Variants in WHAMM observed in about 807,000 individuals in gnomAD.
WHAMM encodes WASP homolog-associated protein with actin, membranes and microtubules.
A neutral mutation model predicts 76.5 loss-of-function variants in WHAMM; 67 were observed. That is an observed-to-expected ratio of 0.88 (90% CI 0.72 to 1.07). The LOEUF (loss-of-function observed/expected upper bound fraction) is 1.07. Among genes scored for constraint, WHAMM ranks in the 50% least tolerant of loss-of-function variants. WHAMM has a pLI of 0.00. For missense variants in WHAMM, 1,021 were observed against 1,051.1 expected, an observed-to-expected ratio of 0.97 and a Z score of 0.40; for synonymous variants, 419 against 422.1, an observed-to-expected ratio of 0.99 and a Z score of 0.09.
intron 4 of WHAMM, among the ~76,000 whole-genome samples, chr15:82,818,829 G>A (rs1302903732): frequency 1.3e-5 from 2 of 152,162 alleles, no homozygotes; most frequent in Non-Finnish European, 2.9e-5. Flanking sequence ...TTCACTGTCC[G>A]GTGAGGATCC....
At chr15:82,815,155 A>AAATAAT (rs55807384) in intron 2 of WHAMM, among the ~76,000 whole-genome samples, 3 of 46,146 alleles carry the variant, frequency 6.5e-5, no homozygotes, top group African/African-American at 2.7e-4. Context: ...ATATATATAT[A>AAATAAT]GTACAATTCA....
Position 82,823,231 on chromosome 15 carries a change from C to G in WHAMM, c.1402C>G (p.Leu468Val). The G allele has an allele frequency of 6.3e-7, 1 of 1,585,616 alleles. No homozygotes were observed. The highest frequency in any genetic ancestry group is 8.6e-7 in the Non-Finnish European group (1 of 1,163,142). ...VKELRRQCQQLESKRGRICAK... is the reference protein window; with the variant it reads ...VKELRRQCQQVESKRGRICAK... ...AGAACTCAGAAGGCAGTGCCAGCAG[C>G]TGGAGTCTAAACGGGGCAGGATCTG... Residue 468 changes from leucine to valine, a missense_variant, in exon 6 of 10, where the codon CTG (leucine) becomes GTG (valine). This residue lies in a region of WHAMM where 509 missense variants were observed against 492.3 expected (regional missense o/e 1.03). Coordinates refer to ENST00000286760, the MANE Select transcript of WHAMM (RefSeq NM_001080435.3).
chr15:82,824,199 C>T (rs2050890937), intron 6 of WHAMM, among the ~76,000 whole-genome samples: 1 of 125,414 alleles, frequency 8.0e-6, no homozygotes, highest in African/African-American at 2.9e-5. Context: ...GCTCTGTCTC[C>T]TAGTCTGGAG....
chr15:82,816,228 T>C (rs2050723601), intron 2 of WHAMM, among the ~76,000 whole-genome samples: 2 of 152,280 alleles, frequency 1.3e-5, no homozygotes, highest in South Asian at 4.1e-4. Context: ...GGGAGTCCAA[T>C]ACCAGTACAT....
At chr15:82,831,588 A>T (rs2051033038) in intron 9 of WHAMM, among the ~76,000 whole-genome samples, 1 of 152,214 alleles carries the variant, frequency 6.6e-6, no homozygotes, top group Non-Finnish European at 1.5e-5. Context: ...GACCCTTACT[A>T]TTGGAAATCT....
intron 5 of WHAMM, among the ~76,000 whole-genome samples, chr15:82,820,911 A>AG (rs2151564657): frequency 6.6e-6 from 1 of 150,398 alleles, no homozygotes; most frequent in East Asian, 1.9e-4. Context: ...AAAAAAAAAA[A>AG]AAAAAAAAAG....
chr15:82,815,116 T>TATAC (rs2050700286), intron 2 of WHAMM, among the ~76,000 whole-genome samples: 2 of 11,578 alleles, frequency 1.7e-4, no homozygotes, highest in South Asian at 2.8e-3. Context: ...AGATTTTATA[T>TATAC]ATATATATAT....
intron 5 of WHAMM, among the ~76,000 whole-genome samples, chr15:82,822,571 C>T (rs1282593042): frequency 1.3e-5 from 2 of 152,100 alleles, no homozygotes; most frequent in South Asian, 2.1e-4. Context: ...CCAGGTAGCT[C>T]GGATTATAGG....
chr15:82,809,941 C>G lies in WHAMM; in HGVS notation c.215C>G (p.Ala72Gly). ...GAGCCCGAGCCCAAGCCTGAGGCCG[C>G]CGTCTCCCCGTCCAGCTGGGCCGGC... ...GPEPEPKPEA[A>G]VSPSSWAGLL... Residue 72 changes from alanine (A) to glycine (G), a missense_variant, in exon 1 of 10, where the codon GCC (alanine) becomes GGC (glycine). Ala to Gly is a moderately conservative substitution (Grantham distance 60). Around this residue, in one of 3 missense-constraint regions of WHAMM, gnomAD observed 501 missense variants for 524.9 expected, o/e 0.95. Transcript: ENST00000286760. 7.0e-7 allele frequency: 1 copy of G among 1,420,036 alleles called. No homozygotes were observed. The highest frequency in any genetic ancestry group is 1.5e-5 in the South Asian group (1 of 65,474). 88.0% of individuals were successfully genotyped at this position (1,420,036 alleles called of 1,614,324 possible). A position where few individuals can be genotyped will look rare whatever the true frequency, so the allele number is the denominator to read the frequency against.
rs769031924 is a variant in WHAMM at position 82,823,170 on chromosome 15, G to C, written c.1341G>C (p.Val447=). 1.7e-5 allele frequency: 26 copies of C among 1,569,394 alleles called. No individual in the cohort carries two copies. In the Middle Eastern group the frequency reaches 5.1e-4, roughly 31 times the overall value. The change falls in exon 6 of 10, where the codon GTG becomes GTC. Residue 447 remains valine, a synonymous_variant. Coordinates refer to ENST00000286760, the MANE Select transcript of WHAMM (RefSeq NM_001080435.3). ...AGGAACTTAAAGTCATTGACTGTGT[G>C]GTGGGGCTGCAGGATGATAAGAATT... ...NPEELKVIDC[V]VGLQDDKNLE...
intron 4 of WHAMM, among the ~76,000 whole-genome samples, chr15:82,819,028 C>T (rs1053743301): frequency 2.0e-5 from 3 of 152,230 alleles, no homozygotes; most frequent in African/African-American, 7.2e-5. Context: ...CTCCAAATAA[C>T]ATCACACTGG....
Position 82,835,876 on chromosome 15 carries a change from A to G in WHAMM, c.*2340A>G, listed in dbSNP as rs1418238143. The G allele has an allele frequency of 6.6e-6, 1 of 152,244 alleles. No homozygotes were observed. The highest frequency in any genetic ancestry group is 6.5e-5 in the Admixed American group (1 of 15,294). The allele number at this position is 152,244 out of a possible 1,614,324, so 9.4% of individuals were successfully genotyped here. ...AAACTTCCTAGGGAAAGAATTTGGA[A>G]TTGAAAAAGTAGCAAAATCACAACT... On this transcript the variant is annotated 3_prime_UTR_variant, in exon 10 of 10. Coordinates refer to ENST00000286760, the MANE Select transcript of WHAMM (RefSeq NM_001080435.3).
Position 82,810,018 on chromosome 15 carries a change from TG to T in WHAMM, c.294del (p.Trp98CysfsTer118). On this transcript the variant is annotated frameshift_variant, in exon 1 of 10. Coordinates refer to ENST00000286760, the MANE Select transcript of WHAMM (RefSeq NM_001080435.3). LOFTEE classifies it high-confidence loss of function. ...RGAHRQLAAL[W>X]PPLERCFPRL... ...CGCGCACCGGCAGTTGGCGGCGCTG[TG>T]GCCGCCTCTGGAGCGCTGCTTCCCG... is the stretch of plus-strand genomic sequence containing the variant. The T allele has an allele frequency of 8.0e-7, 1 of 1,245,430 alleles. No homozygotes were observed. The highest frequency in any genetic ancestry group is 2.9e-5 in the South Asian group (1 of 35,076). The allele number at this position is 1,245,430 out of a possible 1,614,324, so 77.1% of individuals were successfully genotyped here.
rs1387671439 is a variant in WHAMM, at chr15:82,833,317, CTCAA to C, written c.2217_2220del (p.Ile739MetfsTer8). 1.2e-6 allele frequency: 2 copies of C among 1,614,012 alleles called. No homozygotes were observed. Among genetic ancestry groups the C allele is most frequent in the Admixed American group, 1.7e-5 (1 of 60,022 alleles). On this transcript the variant is annotated frameshift_variant, in exon 10 of 10. Coordinates refer to ENST00000286760, the MANE Select transcript of WHAMM (RefSeq NM_001080435.3). LOFTEE classifies it low-confidence loss of function (END_TRUNC). ...TGCCGGCGGTGCGCCCTCCCCACGC[CTCAA>C]TCAATGAGCACATTCTGGCTGCCAT... is the stretch of plus-strand genomic sequence containing the variant.
At chr15:82,825,439 T>A (rs923032979) in intron 6 of WHAMM, among the ~76,000 whole-genome samples, 1 of 151,916 alleles carries the variant, frequency 6.6e-6, no homozygotes, top group Non-Finnish European at 1.5e-5. Context: ...ATATAATCAC[T>A]CCCCCTACCC....
intron 3 of WHAMM, 54 bp from the exon 4 acceptor site, chr15:82,817,866 A>C: frequency 7.2e-7 from 1 of 1,384,156 alleles, no homozygotes; most frequent in Non-Finnish European, 9.5e-7. Context: ...GCTCATGATA[A>C]ATGTTTCCCT....
intron 4 of WHAMM, 122 bp from the exon 5 acceptor site, chr15:82,819,201 C>T: frequency 2.8e-6 from 1 of 350,964 alleles, no homozygotes; most frequent in Non-Finnish European, 5.1e-6. Context: ...GTGTTTCTTT[C>T]CTATTTGCTT....
At chr15:82,832,911 G>A (rs113597943) in intron 9 of WHAMM, among the ~76,000 whole-genome samples, 14 of 152,284 alleles carry the variant, frequency 9.2e-5, no homozygotes, top group African/African-American at 3.4e-4. Flanking sequence ...ACACTCTTCA[G>A]GATGGGAGGG....
In WHAMM at chr15:82,809,725, C is replaced by T; in HGVS notation, c.-2C>T. On this transcript the variant is annotated 5_prime_UTR_variant, in exon 1 of 10. Transcript: ENST00000286760. ...GCCCTAGGGCCGCTGCTGCCGACAG[C>T]CATGGAGGACGAGCAGCCTGACAGC... The T allele has an allele frequency of 6.7e-7, 1 of 1,499,362 alleles. No homozygotes were observed. Among genetic ancestry groups the T allele is most frequent in the Non-Finnish European group, 8.9e-7 (1 of 1,123,390 alleles). 92.9% of individuals were successfully genotyped at this position (1,499,362 alleles called of 1,614,324 possible).
Sources: gnomAD v4.1 joint callset for allele counts (sites outside exome capture counted in the v4.1 genomes callset) on GRCh38, gnomAD v4.1.1 for gene constraint, gnomAD v4.1.1 regional missense constraint, MANE v1.5 for transcripts, NCBI Gene and HGNC (gene_info 2026-07-23, HGNC 2026-07-21) for gene names.